The following SCHIP1 variants were observed in gnomAD, a reference collection of about 807,000 sequenced individuals.
The protein encoded by SCHIP1 is schwannomin interacting protein 1.
A neutral mutation model predicts 29.7 loss-of-function variants in SCHIP1; 8 were observed. The ratio of observed to expected loss-of-function variants is 0.27; its 90% confidence interval spans 0.16 to 0.49. The LOEUF (loss-of-function observed/expected upper bound fraction) is 0.49, where lower values mean the gene tolerates loss of function less well. Ranked by LOEUF, SCHIP1 falls within the 20% of genes least tolerant of loss-of-function variation. The pLI is 0.99. For synonymous variants in SCHIP1, 76 were observed against 94.9 expected (o/e 0.80, Z 1.16); for missense variants, 193 against 294.6 (o/e 0.66, Z 2.52).
chr3:159,795,031 G>C, the SCHIP1 span, among the ~76,000 whole-genome samples: 1 of 152,202 alleles, frequency 6.6e-6, no homozygotes, highest in Non-Finnish European at 1.5e-5. Flanking sequence ...ATGTGAGGTA[G>C]AATGGGAAGA....
chr3:159,305,165 C>T, the SCHIP1 span, among the ~76,000 whole-genome samples: 1 of 152,184 alleles, frequency 6.6e-6, no homozygotes, highest in Non-Finnish European at 1.5e-5. Context: ...CACCTGCATG[C>T]AGTCTCCACC....
the SCHIP1 span, among the ~76,000 whole-genome samples, chr3:159,283,656 C>T: frequency 6.6e-6 from 1 of 152,130 alleles, no homozygotes; most frequent in Non-Finnish European, 1.5e-5. Flanking sequence ...ATATAGGAAG[C>T]GATGGCTTTT....
At chr3:159,837,013 G>A (rs1743729138), upstream of SCHIP1, among the ~76,000 whole-genome samples, 1 of 152,076 alleles carries the variant, frequency 6.6e-6, no homozygotes, top group South Asian at 2.1e-4. Context: ...CAGGATTTGG[G>A]ATACAATTGT....
the SCHIP1 span, among the ~76,000 whole-genome samples, chr3:159,784,693 G>A: frequency 0.14 from 21,854 of 152,186 alleles, 1,611 homozygotes; most frequent in East Asian, 0.22. Flanking sequence ...GTCTTGTGAC[G>A]CCCAGGCTGG....
chr3:159,354,745 T>A, the SCHIP1 span, among the ~76,000 whole-genome samples: 5 of 152,184 alleles, frequency 3.3e-5, no homozygotes, highest in South Asian at 4.1e-4. Context: ...AGCATTTTTT[T>A]AAACTTTATG....
intron 2 of SCHIP1, among the ~76,000 whole-genome samples, chr3:159,883,475 A>T (rs115540886): frequency 0.014 from 2,189 of 152,210 alleles, 51 homozygotes; most frequent in African/African-American, 0.05. Context: ...CACCCTGGGC[A>T]CAGAGGCCTT....
At chr3:159,371,732 T>C in the SCHIP1 span, among the ~76,000 whole-genome samples, 1 of 152,168 alleles carries the variant, frequency 6.6e-6, no homozygotes, top group African/African-American at 2.4e-5. Flanking sequence ...CATCCTCCCA[T>C]CTAGTTTAAA....
the SCHIP1 span, among the ~76,000 whole-genome samples, chr3:159,790,049 C>T: frequency 2.0e-5 from 3 of 152,136 alleles, no homozygotes; most frequent in African/African-American, 7.2e-5. Context: ...TCAGTTCCTG[C>T]CCAAGGCCCC....
chr3:159,885,830 CG>C (rs901061376), intron 2 of SCHIP1, among the ~76,000 whole-genome samples: 1 of 152,218 alleles, frequency 6.6e-6, no homozygotes, highest in African/African-American at 2.4e-5. Flanking sequence ...CCCCCTGGGA[CG>C]GGTTCTCTAG....
chr3:159,282,454 A>G, the SCHIP1 span, among the ~76,000 whole-genome samples: 5 of 145,222 alleles, frequency 3.4e-5, no homozygotes, highest in East Asian at 2.1e-4. Context: ...CCTAGATTGC[A>G]TATTTCAATC....
intron 1 of SCHIP1, chr3:159,840,327 C>T (rs749972195): frequency 1.0e-4 from 91 of 908,004 alleles, no homozygotes; most frequent in Non-Finnish European, 1.5e-4. Flanking sequence ...CCATCTTCCG[C>T]GCCTGGCCTT....
chr3:159,596,411 A>C, the SCHIP1 span, among the ~76,000 whole-genome samples: 2 of 152,184 alleles, frequency 1.3e-5, no homozygotes, highest in Non-Finnish European at 2.9e-5. Flanking sequence ...AGGTTCTAGA[A>C]CTAGAAATAC....
At chr3:159,588,894 C>T in the SCHIP1 span, among the ~76,000 whole-genome samples, 49 of 152,228 alleles carry the variant, frequency 3.2e-4, no homozygotes, top group African/African-American at 1.0e-3. Context: ...AGTCAGGTAG[C>T]GTGATGCCTC....
the SCHIP1 span, among the ~76,000 whole-genome samples, chr3:159,573,848 TTTCA>T: frequency 1.3e-5 from 2 of 152,226 alleles, no homozygotes; most frequent in East Asian, 3.8e-4. Context: ...TCTCACTTTA[TTTCA>T]TTAATTTGAT....
At chr3:159,701,605 G>A in the SCHIP1 span, among the ~76,000 whole-genome samples, 1 of 151,726 alleles carries the variant, frequency 6.6e-6, no homozygotes, top group African/African-American at 2.4e-5. Context: ...TCTGTATACT[G>A]GTTCTATATA....
the SCHIP1 span, among the ~76,000 whole-genome samples, chr3:159,358,451 G>A: frequency 2.0e-5 from 3 of 152,216 alleles, no homozygotes; most frequent in Admixed American, 6.5e-5. Context: ...TGAAGCATGA[G>A]CATGAACTAT....
the SCHIP1 span, among the ~76,000 whole-genome samples, chr3:159,320,738 G>A: frequency 4.6e-5 from 7 of 151,858 alleles, no homozygotes; most frequent in East Asian, 1.4e-3. Flanking sequence ...AATGTACAAG[G>A]GACAGCATGA....
At chr3:159,533,745 CT>C in the SCHIP1 span, among the ~76,000 whole-genome samples, 4 of 152,282 alleles carry the variant, frequency 2.6e-5, no homozygotes, top group South Asian at 6.2e-4. Context: ...ATTCTTAACC[CT>C]GCAGTTCTAA....
chr3:159,782,718 G>A, the SCHIP1 span, among the ~76,000 whole-genome samples: 32 of 152,302 alleles, frequency 2.1e-4, 1 homozygote, highest in African/African-American at 7.5e-4. Context: ...GTTTAGCAGA[G>A]GCTCTGAGAG....
Sources: gnomAD v4.1 joint callset for allele counts (sites outside exome capture counted in the v4.1 genomes callset) on GRCh38, gnomAD v4.1.1 for gene constraint, MANE v1.5 for transcripts, NCBI Gene and HGNC (gene_info 2026-07-23, HGNC 2026-07-21) for gene names.